The following SP4 variants were observed in gnomAD, a reference collection of about 807,000 sequenced individuals.
The protein encoded by SP4 is transcription factor Sp4.
A neutral mutation model predicts 72.8 loss-of-function variants in SP4; 19 were observed. The ratio of observed to expected loss-of-function variants is 0.26; its 90% CI spans 0.18 to 0.38. SP4 has a LOEUF of 0.38. Ranked by LOEUF, SP4 falls within the 10% of genes least tolerant of loss-of-function variation. SP4 has a pLI of 1.00. For synonymous variants in SP4, 395 were observed against 333.1 expected (o/e 1.19, Z -2.02); for missense variants, 1,008 against 926.3 (o/e 1.09, Z -1.14).
intron 3 of SP4, among the ~76,000 whole-genome samples, chr7:21,438,251 T>G (rs1156802258): frequency 6.6e-6 from 1 of 152,180 alleles, no homozygotes; most frequent in Non-Finnish European, 1.5e-5. Flanking sequence ...ATTCTAAAAT[T>G]TAAGGTCTAT....
intron 5 of SP4, among the ~76,000 whole-genome samples, chr7:21,509,750 A>AT (rs531096216): frequency 1.3e-5 from 2 of 152,222 alleles, no homozygotes; most frequent in East Asian, 1.9e-4. Flanking sequence ...GAGCCTATAG[A>AT]TTTTTTTTAT....
chr7:21,481,540 C>T (rs1351375145), intron 4 of SP4, among the ~76,000 whole-genome samples: 2 of 152,186 alleles, frequency 1.3e-5, no homozygotes, highest in East Asian at 3.9e-4. Context: ...ACTCCTCACA[C>T]TGCCCTGCTA....
chr7:21,508,813 T>TTG (rs1469506063), intron 5 of SP4, among the ~76,000 whole-genome samples: 1 of 146,524 alleles, frequency 6.8e-6, no homozygotes, highest in African/African-American at 2.6e-5. Flanking sequence ...CACACTTTTT[T>TTG]TTTTTTTTTT....
chr7:21,442,112 C>T (rs1783278011), intron 3 of SP4, among the ~76,000 whole-genome samples: 1 of 148,578 alleles, frequency 6.7e-6, no homozygotes, highest in African/African-American at 2.5e-5. Flanking sequence ...AATCTCGGCT[C>T]GCTGCAGCCT....
chr7:21,502,005 C>G (rs1781875996), intron 5 of SP4, among the ~76,000 whole-genome samples: 1 of 148,404 alleles, frequency 6.7e-6, no homozygotes, highest in Non-Finnish European at 1.5e-5. Context: ...TTAAACCGAG[C>G]TGCTATTTGG....
chr7:21,472,845 G>A (rs916274471), intron 3 of SP4, among the ~76,000 whole-genome samples: 1 of 152,036 alleles, frequency 6.6e-6, no homozygotes, highest in Admixed American at 6.5e-5. Flanking sequence ...CTGAAATGTA[G>A]GAAGTTAGCT....
At chr7:21,456,235 A>G (rs920668780) in intron 3 of SP4, among the ~76,000 whole-genome samples, 3 of 152,196 alleles carry the variant, frequency 2.0e-5, no homozygotes, top group African/African-American at 7.2e-5. Context: ...CCAAAAAAGC[A>G]AGTGGGTAAG....
Position 21,477,238 on chromosome 7 carries a change from A to T in SP4, c.1838A>T (p.Glu613Val). 1 of 1,614,180 alleles carries T rather than the reference A, an allele frequency of 6.2e-7. No individual in the cohort carries two copies. Among genetic ancestry groups the T allele is most frequent in the Non-Finnish European group, 8.5e-7 (1 of 1,180,018 alleles). Reference sequence around the variant, plus strand: ...CAAGGCCAGCAGACTTCTGATCAAGAGGTACAACCTGGCAAGAGGCTTCGA... The same window carrying T: ...CAAGGCCAGCAGACTTCTGATCAAGTGGTACAACCTGGCAAGAGGCTTCGA... ...LQQGQQTSDQ[E>V]VQPGKRLRRV... Residue 613 changes from glutamate (E) to valine (V), a missense_variant, in exon 4 of 6, where the codon GAG (glutamate) becomes GTG (valine). Around this residue, in one of 3 missense-constraint regions of SP4, gnomAD observed 893 missense variants for 743.3 expected, o/e 1.20. Transcript: ENST00000222584.
chr7:21,430,462 A>T lies in SP4; in HGVS notation c.1297A>T (p.Ile433Phe). 1.2e-6 allele frequency: 2 copies of T among 1,614,210 alleles called. No homozygotes were observed. The highest frequency in any genetic ancestry group is 1.7e-6 in the Non-Finnish European group (2 of 1,180,036). The change falls in exon 3 of 6, where the codon ATT becomes TTT. Residue 433 changes from isoleucine (I) to phenylalanine (F), a missense_variant. Ile to Phe is a conservative substitution (Grantham distance 21). Transcript: ENST00000222584. Reference protein sequence around the residue: ...QSFQLQSGQTIQTIQQQPLQN... With the variant: ...QSFQLQSGQTFQTIQQQPLQN... ...GTTTCAACTCCAGTCAGGGCAGACG[A>T]TTCAGACCATCCAGCAGCAGCCTTT...
intron 3 of SP4, among the ~76,000 whole-genome samples, chr7:21,467,667 A>G (rs1028375583): frequency 6.6e-6 from 1 of 152,174 alleles, no homozygotes; most frequent in Non-Finnish European, 1.5e-5. Flanking sequence ...ATGTTAGGAG[A>G]CATATTTTTT....
intron 5 of SP4, among the ~76,000 whole-genome samples, chr7:21,490,336 C>T (rs1784943117): frequency 6.6e-6 from 1 of 152,166 alleles, no homozygotes; most frequent in Non-Finnish European, 1.5e-5. Flanking sequence ...GAAAAGGGGC[C>T]TTTTGCTCCA....
At position 21,430,046 on chromosome 7, in the gene SP4, C is replaced by A. The variant is rs1782782899; in HGVS notation, c.881C>A (p.Thr294Asn). 1 of 1,614,080 alleles carries A rather than the reference C, an allele frequency of 6.2e-7. No individual in the cohort carries two copies. Among genetic ancestry groups the A allele is most frequent in the African/African-American group, 1.3e-5 (1 of 74,934 alleles). The change falls in exon 3 of 6, where the codon ACT (threonine) becomes AAT (asparagine). Residue 294 changes from threonine to asparagine, a missense_variant. Thr to Asn is a moderately conservative substitution (Grantham distance 65). Around this residue, in one of 3 missense-constraint regions of SP4, gnomAD observed 893 missense variants for 743.3 expected, o/e 1.20. Coordinates refer to ENST00000222584, the MANE Select transcript of SP4 (RefSeq NM_003112.5). Reference protein sequence around the residue: ...GQPAATADSGTSNGNQLVSTP... With the variant: ...GQPAATADSGNSNGNQLVSTP... ...CCTGCTGCTACTGCTGATAGTGGGA[C>A]TTCCAATGGGAATCAATTAGTTTCC...
Position 21,506,071 on chromosome 7 carries a change from C to T in SP4, c.2108-4951C>T, listed in dbSNP as rs114920828. On this transcript the variant is annotated intron_variant, in intron 5 of 5. Coordinates refer to ENST00000222584, the MANE Select transcript of SP4 (RefSeq NM_003112.5). ...TAAACCCAATCTCACAATCAGGTCT[C>T]GACACAGGAGGTTAGTTCCTACTTC... is the stretch of plus-strand genomic sequence containing the variant. Among the ~76,000 whole-genome samples, 1,198 of 152,234 alleles carry T rather than the reference C, an allele frequency of 7.9e-3. 20 individuals are homozygous for T. The highest frequency in any genetic ancestry group is 0.028 in the African/African-American group (1,145 of 41,518).
chr7:21,475,400 C>A (rs985579365), intron 3 of SP4, among the ~76,000 whole-genome samples: 2 of 152,114 alleles, frequency 1.3e-5, no homozygotes, highest in African/African-American at 4.8e-5. Context: ...AGGCCTGAGC[C>A]ACCACGCCTG....
intron 3 of SP4, among the ~76,000 whole-genome samples, chr7:21,433,370 A>G (rs1353310369): frequency 5.3e-5 from 8 of 152,230 alleles, no homozygotes; most frequent in Admixed American, 5.2e-4. Flanking sequence ...TCTAATAAAT[A>G]TGCTCAATCC....
chr7:21,450,894 T>G (rs1023741634), intron 3 of SP4, among the ~76,000 whole-genome samples: 1 of 152,172 alleles, frequency 6.6e-6, no homozygotes, highest in African/African-American at 2.4e-5. Context: ...TGAAAGTTTA[T>G]TAAAAAGTTT....
chr7:21,453,081 T>C (rs1783650963), intron 3 of SP4, among the ~76,000 whole-genome samples: 1 of 152,170 alleles, frequency 6.6e-6, no homozygotes, highest in African/African-American at 2.4e-5. Context: ...CCCGACCTAC[T>C]CAATTGTTAA....
chr7:21,463,296 A>G (rs760391708), intron 3 of SP4, among the ~76,000 whole-genome samples: 2 of 152,126 alleles, frequency 1.3e-5, no homozygotes, highest in Non-Finnish European at 1.5e-5. Context: ...GGACAGAGGG[A>G]AAAAAATTGG....
At chr7:21,461,597 C>T (rs965333386) in intron 3 of SP4, among the ~76,000 whole-genome samples, 14 of 152,146 alleles carry the variant, frequency 9.2e-5, no homozygotes, top group African/African-American at 2.9e-4. Flanking sequence ...AAACACCGCG[C>T]GCAGCCCCGG....
Sources: gnomAD v4.1 joint callset for allele counts (sites outside exome capture counted in the v4.1 genomes callset) on GRCh38, gnomAD v4.1.1 for gene constraint, gnomAD v4.1.1 regional missense constraint, MANE v1.5 for transcripts, NCBI Gene and HGNC (gene_info 2026-07-23, HGNC 2026-07-21) for gene names.